Variants in CSNK1G3 observed in about 807,000 individuals in gnomAD.
CSNK1G3 encodes the protein casein kinase 1 gamma 3, also known as casein kinase I isoform gamma-3.
Under a neutral mutation model 64.3 loss-of-function variants are expected in CSNK1G3, and 23 were observed. The ratio of observed to expected loss-of-function variants is 0.36; its 90% CI spans 0.26 to 0.51. CSNK1G3 has a LOEUF of 0.51. CSNK1G3 is among the 20% of genes least tolerant of loss of function. CSNK1G3 has a pLI of 0.96. For synonymous variants in CSNK1G3, 158 were observed against 162.2 expected (o/e 0.97, Z 0.20); for missense variants, 357 against 510.5 (o/e 0.70, Z 2.90).
chr5:123,563,155 T>A (rs1379610643), intron 4 of CSNK1G3, among the ~76,000 whole-genome samples: 1 of 152,050 alleles, frequency 6.6e-6, no homozygotes, highest in Non-Finnish European at 1.5e-5. Context: ...AATTACTACT[T>A]ATCAGAGGAA....
chr5:123,615,617 A>G (rs982846872), exon 13 of CSNK1G3: 1 of 152,180 alleles, frequency 6.6e-6, no homozygotes, highest in African/African-American at 2.4e-5. Context: ...ACAACAAAAA[A>G]TTCTGTAAAA....
At chr5:123,591,334 G>T (rs768955311) in exon 10 of CSNK1G3, 10 of 1,606,470 alleles carry the variant, frequency 6.2e-6, no homozygotes, top group Non-Finnish European at 8.5e-6. Context: ...TCCAGTGGGT[G>T]CAGTTCAGCA....
intron 10 of CSNK1G3, among the ~76,000 whole-genome samples, chr5:123,596,394 T>C (rs1290829264): frequency 6.6e-6 from 1 of 152,150 alleles, no homozygotes; most frequent in Non-Finnish European, 1.5e-5. Flanking sequence ...ATTTTGTATG[T>C]ATCTGTATAT....
intron 1 of CSNK1G3, among the ~76,000 whole-genome samples, chr5:123,530,340 A>G (rs1779726227): frequency 1.3e-5 from 2 of 152,274 alleles, no homozygotes; most frequent in Admixed American, 1.3e-4. Flanking sequence ...TTTAGATTTT[A>G]ATAAGGTTTC....
chr5:123,541,615 A>G lies in CSNK1G3; in HGVS notation c.-247-3802A>G, dbSNP rs375615509. 1.4e-4 allele frequency among the ~76,000 whole-genome samples: 21 copies of G among 152,056 alleles called. 1 individual carries two copies. The East Asian group carries it at 4.1e-3, about 29-fold the overall frequency. ...AGCTTATTATTTTTGTATTTTTATT[A>G]GAGGCAGGCTCTCACCATGTTGCCC... On this transcript the variant is annotated intron_variant, in intron 1 of 12. Coordinates refer to ENST00000345990, the Ensembl canonical transcript of CSNK1G3.
intron 1 of CSNK1G3, among the ~76,000 whole-genome samples, chr5:123,529,405 T>G (rs1159260935): frequency 1.3e-5 from 2 of 152,142 alleles, no homozygotes; most frequent in African/African-American, 2.4e-5. Flanking sequence ...TGAAAGAACA[T>G]TCTTTTAAAT....
chr5:123,523,135 T>A (rs530187793), intron 1 of CSNK1G3, among the ~76,000 whole-genome samples: 1 of 106,118 alleles, frequency 9.4e-6, no homozygotes, highest in East Asian at 2.1e-4. Flanking sequence ...TTATTTAGTA[T>A]AACTGCACTT....
intron 12 of CSNK1G3, among the ~76,000 whole-genome samples, chr5:123,607,416 G>T (rs1160234214): frequency 6.6e-6 from 1 of 152,060 alleles, no homozygotes; most frequent in East Asian, 1.9e-4. Flanking sequence ...TAACAATGTG[G>T]TATACCCATA....
At chr5:123,555,628 G>A (rs1188835303) in intron 3 of CSNK1G3, among the ~76,000 whole-genome samples, 1 of 152,042 alleles carries the variant, frequency 6.6e-6, no homozygotes, top group Non-Finnish European at 1.5e-5. Flanking sequence ...AGGATAATTT[G>A]TTAATATTAC....
chr5:123,552,162 T>TC (rs1783799909), intron 2 of CSNK1G3, among the ~76,000 whole-genome samples: 1 of 151,956 alleles, frequency 6.6e-6, no homozygotes, highest in African/African-American at 2.4e-5. Context: ...ATTTTTTTTT[T>TC]TTGATGGAGT....
At chr5:123,567,094 A>G (rs1266191462) in intron 4 of CSNK1G3, among the ~76,000 whole-genome samples, 3 of 152,206 alleles carry the variant, frequency 2.0e-5, no homozygotes, top group Non-Finnish European at 4.4e-5. Flanking sequence ...ACTGGCAGAC[A>G]AGAGCTTGTG....
intron 2 of CSNK1G3, among the ~76,000 whole-genome samples, chr5:123,547,239 A>G (rs556617723): frequency 6.6e-6 from 1 of 152,246 alleles, no homozygotes; most frequent in Non-Finnish European, 1.5e-5. Context: ...TATCAGGATT[A>G]TTACCACTTC....
At position 123,534,142 on chromosome 5, in the gene CSNK1G3, C is replaced by G. The variant is rs1024927908; in HGVS notation, c.-247-11275C>G. ...TTCAGGGATCATAAAGTTACGTATA[C>G]TAGAGCCCTTGTCATCAAATACGAC... On this transcript the variant is annotated intron_variant, in intron 1 of 12. Transcript: ENST00000345990. Among the ~76,000 whole-genome samples, 13 of 151,980 alleles carry G rather than the reference C, an allele frequency of 8.6e-5. 1 individual carries two copies. Among genetic ancestry groups the G allele is most frequent in the African/African-American group, 3.1e-4 (13 of 41,388 alleles).
rs183311631 is a variant in CSNK1G3, at chr5:123,606,161, T to G, written c.1217+799T>G. ...TAGGAAACTTTTGTGGATTTTTTTT[T>G]GTTAAAGAGCAGTGATTAAGAATCC... On this transcript the variant is annotated intron_variant, in intron 12 of 12. Coordinates refer to ENST00000345990, the Ensembl canonical transcript of CSNK1G3. Among the ~76,000 whole-genome samples the G allele has an allele frequency of 8.4e-4, 128 of 152,222 alleles. 1 individual carries two copies. Among genetic ancestry groups the G allele is most frequent in the Non-Finnish European group, 1.2e-4 (8 of 67,990 alleles).
rs780056559 is a variant in CSNK1G3, at chr5:123,591,428, T to C, written c.1086+14T>C. 2.7e-5 allele frequency: 42 copies of C among 1,568,480 alleles called. No individual in the cohort carries two copies. Among genetic ancestry groups the C allele is most frequent in the Non-Finnish European group, 3.5e-5 (40 of 1,145,100 alleles). ...TCCAAAAACCAGGTTTGCTGCCCTT[T>C]AGATATGAAATACCTTCCTTTCATG... is the stretch of plus-strand genomic sequence containing the variant. On this transcript the variant is annotated intron_variant, in intron 10 of 12. Coordinates refer to ENST00000345990, the Ensembl canonical transcript of CSNK1G3.
At chr5:123,575,161 C>T (rs1182333811) in intron 5 of CSNK1G3, among the ~76,000 whole-genome samples, 2 of 152,216 alleles carry the variant, frequency 1.3e-5, no homozygotes, top group East Asian at 1.9e-4. Flanking sequence ...GGATTTCAGA[C>T]TTTTCTAGCT....
intron 4 of CSNK1G3, among the ~76,000 whole-genome samples, chr5:123,558,570 T>C (rs939556904): frequency 1.3e-5 from 2 of 152,316 alleles, no homozygotes; most frequent in Non-Finnish European, 2.9e-5. Flanking sequence ...CATACTGATA[T>C]CAGTTTTACA....
At chr5:123,570,600 C>T (rs1787900476) in intron 4 of CSNK1G3, among the ~76,000 whole-genome samples, 1 of 152,168 alleles carries the variant, frequency 6.6e-6, no homozygotes, top group Non-Finnish European at 1.5e-5. Context: ...AAGTGACCCA[C>T]CGGCCTCAGC....
In CSNK1G3 at chr5:123,541,049, C is replaced by T. The variant is rs189144222; in HGVS notation, c.-247-4368C>T. On this transcript the variant is annotated intron_variant, in intron 1 of 12. Transcript: ENST00000345990. The stretch of plus-strand genomic sequence containing the variant: ...AGCATTGAAAGGGAATTTTATTTTG[C>T]GGTATTTTATACATGGCAGTTAGCT... 2.4e-3 allele frequency among the ~76,000 whole-genome samples: 361 copies of T among 152,146 alleles called. 3 individuals are homozygous for T. The South Asian group carries it at 0.026, about 11-fold the overall frequency.
Sources: gnomAD v4.1 joint callset for allele counts (sites outside exome capture counted in the v4.1 genomes callset) on GRCh38, gnomAD v4.1.1 for gene constraint, MANE v1.5 for transcripts, NCBI Gene and HGNC (gene_info 2026-07-23, HGNC 2026-07-21) for gene names.